Variants in PPP1R12B observed in about 807,000 individuals in gnomAD.
PPP1R12B encodes myosin phosphatase target subunit 2.
A neutral mutation model predicts 126.1 loss-of-function variants in PPP1R12B; 76 were observed. The observed-to-expected ratio is 0.60, with a 90% CI of 0.50 to 0.73. PPP1R12B has a LOEUF of 0.73. Ranked by LOEUF, PPP1R12B falls within the 30% of genes least tolerant of loss-of-function variation. The probability of loss-of-function intolerance (pLI) is 0.00; values close to 1 mark genes in which losing one functional copy is unlikely to be tolerated. For synonymous variants in PPP1R12B, 356 were observed against 434.7 expected (o/e 0.82, Z 2.25); for missense variants, 1,052 against 1,205.1 (o/e 0.87, Z 1.88).
At chr1:202,367,809 T>C (rs1659502490) in intron 1 of PPP1R12B, among the ~76,000 whole-genome samples, 1 of 152,068 alleles carries the variant, frequency 6.6e-6, no homozygotes, top group Non-Finnish European at 1.5e-5. Context: ...GTAACCAATA[T>C]GGTTTGGATA....
At chr1:202,541,753 C>T (rs2020010) in intron 18 of PPP1R12B, among the ~76,000 whole-genome samples, 65,993 of 151,940 alleles carry the variant, frequency 0.43, 15,678 homozygotes, top group East Asian at 0.71. Flanking sequence ...TGTTTTTCCT[C>T]TGCTTTCTTA....
chr1:202,357,870 T>C (rs1173591264), intron 1 of PPP1R12B, among the ~76,000 whole-genome samples: 1 of 152,228 alleles, frequency 6.6e-6, no homozygotes, highest in African/African-American at 2.4e-5. Context: ...ATTTAGAAAC[T>C]AACTTGAATT....
chr1:202,515,940 T>A (rs1263869596), intron 18 of PPP1R12B, among the ~76,000 whole-genome samples: 1 of 152,180 alleles, frequency 6.6e-6, no homozygotes, highest in East Asian at 1.9e-4. Flanking sequence ...TTAGATGAGA[T>A]TTAGCGAGAG....
At chr1:202,382,999 T>G (rs1046480613) in intron 1 of PPP1R12B, among the ~76,000 whole-genome samples, 16 of 152,346 alleles carry the variant, frequency 1.1e-4, no homozygotes, top group African/African-American at 3.1e-4. Context: ...TTTTTTAGAC[T>G]GGTTTCATTA....
intron 10 of PPP1R12B, 149 bp from the exon 11 acceptor site, chr1:202,440,557 C>A (rs1222349805): frequency 7.0e-6 from 4 of 571,688 alleles, no homozygotes; most frequent in Admixed American, 7.0e-5. Context: ...TGAAAGCTAA[C>A]CTTTTGTAAA....
Position 202,348,705 on chromosome 1 carries a change from A to T in PPP1R12B, c.-147A>T. ...GCCGAGGGAGCGTGCGGGCGGTACT[A>T]CTGGCGGGAGGAGTAAAGATGGCGG... On this transcript the variant is annotated 5_prime_UTR_variant, in exon 1 of 24. Transcript: ENST00000608999. The T allele has an allele frequency of 2.0e-6, 2 of 1,012,176 alleles. No individual in the cohort carries two copies. The highest frequency in any genetic ancestry group is 2.8e-6 in the Non-Finnish European group (2 of 706,556). The allele number at this position is 1,012,176 out of a possible 1,614,324, so 62.7% of individuals were successfully genotyped here.
intron 1 of PPP1R12B, among the ~76,000 whole-genome samples, chr1:202,385,018 A>G (rs1007692666): frequency 6.6e-6 from 1 of 152,222 alleles, no homozygotes; most frequent in African/African-American, 2.4e-5. Flanking sequence ...TTCTCAAACA[A>G]TGCCAAGAGT....
At position 202,442,536 on chromosome 1, in the gene PPP1R12B, T is replaced by C. The variant is rs1187404235; in HGVS notation, c.1631T>C (p.Ile544Thr). 1 of 1,613,550 alleles carries C rather than the reference T, an allele frequency of 6.2e-7. No individual in the cohort carries two copies. The highest frequency in any genetic ancestry group is 1.7e-5 in the Admixed American group (1 of 59,946). The change falls in exon 12 of 24, where the codon ATT (isoleucine) becomes ACT (threonine). Residue 544 changes from isoleucine (I) to threonine (T), a missense_variant. Transcript: ENST00000608999. ...EAKGNEIPQT[I>T]APSTYVSTYL... Reference sequence around the variant, plus strand: ...AAAGGAAATGAAATCCCACAGACAATTGCTCCCTCCACCTATGTATCAACT... The same window carrying C: ...AAAGGAAATGAAATCCCACAGACAACTGCTCCCTCCACCTATGTATCAACT...
chr1:202,422,102 T>C (rs1668872423), intron 2 of PPP1R12B, among the ~76,000 whole-genome samples: 1 of 152,264 alleles, frequency 6.6e-6, no homozygotes, highest in South Asian at 2.1e-4. Flanking sequence ...ATTTAGAATT[T>C]AATTATTTAA....
chr1:202,525,401 C>T (rs949991208), intron 18 of PPP1R12B, among the ~76,000 whole-genome samples: 2 of 151,688 alleles, frequency 1.3e-5, no homozygotes, highest in East Asian at 1.9e-4. Context: ...AAAAATGTAT[C>T]ATGAAAGAGG....
intron 1 of PPP1R12B, among the ~76,000 whole-genome samples, chr1:202,349,611 C>G (rs1246936418): frequency 6.6e-6 from 1 of 152,160 alleles, no homozygotes; most frequent in African/African-American, 2.4e-5. Flanking sequence ...ACAAGCAGGT[C>G]TGAAACCACA....
intron 23 of PPP1R12B, chr1:202,575,055 G>T: frequency 6.2e-7 from 1 of 1,613,510 alleles, no homozygotes. Context: ...ACGAGCAACT[G>T]CAGGCTGAGA....
In PPP1R12B at chr1:202,413,047, C is replaced by T. The variant is rs577930906; in HGVS notation, c.292-3740C>T. On this transcript the variant is annotated intron_variant, in intron 1 of 23. Coordinates refer to ENST00000608999, the MANE Select transcript of PPP1R12B (RefSeq NM_002481.4). ...GAAGTTGATAAACCTAAGAAAACAT[C>T]ATAGAAGAAATATAATTTCTGGAGC... is the stretch of plus-strand genomic sequence containing the variant. 4.6e-5 allele frequency among the ~76,000 whole-genome samples: 7 copies of T among 151,824 alleles called. No individual in the cohort carries two copies. The East Asian group carries it at 1.4e-3, about 29-fold the overall frequency.
Position 202,349,081 on chromosome 1 carries a change from T to G in PPP1R12B, c.230T>G (p.Leu77Arg). Residue 77 changes from leucine to arginine, a missense_variant, in exon 1 of 24, where the codon CTT (leucine) becomes CGT (arginine). Transcript: ENST00000608999. ...SSGDTDEVRK[L>R]LARGADINTV... Reference sequence around the variant, plus strand: ...GGGGACACCGACGAGGTGAGAAAGCTTCTGGCAAGAGGTGCTGATATCAAC... The same window carrying G: ...GGGGACACCGACGAGGTGAGAAAGCGTCTGGCAAGAGGTGCTGATATCAAC... The G allele has an allele frequency of 6.2e-7, 1 of 1,614,138 alleles. No individual in the cohort carries two copies.
At chr1:202,492,981 C>A in intron 14 of PPP1R12B, 133 bp from the exon 15 acceptor site, 1 of 862,440 alleles carries the variant, frequency 1.2e-6, no homozygotes, top group South Asian at 1.6e-5. Flanking sequence ...CTTGAAGTGG[C>A]CTCATTATGC....
chr1:202,473,236 AT>A (rs1396053208), intron 13 of PPP1R12B, among the ~76,000 whole-genome samples: 1 of 152,246 alleles, frequency 6.6e-6, no homozygotes, highest in African/African-American at 2.4e-5. Flanking sequence ...AAATCAGATC[AT>A]ATTTTGATAT....
chr1:202,548,578 G>A (rs1476366147), intron 18 of PPP1R12B, among the ~76,000 whole-genome samples: 2 of 151,982 alleles, frequency 1.3e-5, no homozygotes, highest in African/African-American at 4.8e-5. Flanking sequence ...TCCTGCCTCA[G>A]CATCCCAAGG....
chr1:202,451,807 C>T (rs1672974422), intron 13 of PPP1R12B, among the ~76,000 whole-genome samples: 1 of 151,376 alleles, frequency 6.6e-6, no homozygotes, highest in Non-Finnish European at 1.5e-5. Flanking sequence ...GGCTGACCCC[C>T]CACCTCCCTC....
intron 3 of PPP1R12B, among the ~76,000 whole-genome samples, chr1:202,424,106 A>T (rs1404036342): frequency 1.3e-5 from 2 of 152,224 alleles, no homozygotes; most frequent in Non-Finnish European, 2.9e-5. Flanking sequence ...TTTAAAAAAT[A>T]GTTTAGATTG....
Sources: gnomAD v4.1 joint callset for allele counts (sites outside exome capture counted in the v4.1 genomes callset) on GRCh38, gnomAD v4.1.1 for gene constraint, MANE v1.5 for transcripts, NCBI Gene and HGNC (gene_info 2026-07-23, HGNC 2026-07-21) for gene names.